CFAP44: variants seen among roughly 807,000 people sequenced by gnomAD.
CFAP44 encodes the protein cilia- and flagella-associated protein 44.
Under a neutral mutation model 216.2 loss-of-function variants are expected in CFAP44, and 134 were observed. The ratio of observed to expected loss-of-function variants is 0.62; its 90% CI spans 0.54 to 0.72. CFAP44 has a LOEUF of 0.72. Ranked by LOEUF, CFAP44 falls within the 30% of genes least tolerant of loss-of-function variation. CFAP44 has a pLI of 0.00. For synonymous variants in CFAP44, 700 were observed against 727.6 expected (o/e 0.96, Z 0.61); for missense variants, 2,035 against 2,182.1 (o/e 0.93, Z 1.34).
chr3:113,385,205 G>A (rs1165997456), intron 15 of CFAP44, among the ~76,000 whole-genome samples: 1 of 152,160 alleles, frequency 6.6e-6, no homozygotes, highest in East Asian at 1.9e-4. Flanking sequence ...GGAACTGTGA[G>A]TCCATTAAAC....
At chr3:113,409,027 AAAG>A in intron 7 of CFAP44, 76 bp downstream of exon 7, 25 of 852,458 alleles carry the variant, frequency 2.9e-5, no homozygotes, top group South Asian at 1.3e-4. Flanking sequence ...AAAAAAAAAA[AAAG>A]TCTCCAGCTC....
intron 7 of CFAP44, among the ~76,000 whole-genome samples, chr3:113,408,286 T>C (rs1053135075): frequency 2.6e-5 from 4 of 152,048 alleles, no homozygotes; most frequent in African/African-American, 7.2e-5. Flanking sequence ...ATCCCGGAAA[T>C]AGACGAGGGT....
chr3:113,350,356 CAG>C (rs60263174), intron 22 of CFAP44, among the ~76,000 whole-genome samples: 4,406 of 145,650 alleles, frequency 0.03, 99 homozygotes, highest in East Asian at 0.1. Flanking sequence ...AAGAGAGAGT[CAG>C]AGAGAGAGAG....
intron 33 of CFAP44, among the ~76,000 whole-genome samples, 189 bp downstream of exon 33, chr3:113,296,536 T>C (rs1278256793): frequency 5.0e-4 from 76 of 152,230 alleles, no homozygotes; most frequent in Non-Finnish European, 8.8e-5. Flanking sequence ...CACTCCAAGA[T>C]AAACAAGTCC....
chr3:113,321,106 A>G (rs1950142622), intron 28 of CFAP44, among the ~76,000 whole-genome samples: 2 of 152,204 alleles, frequency 1.3e-5, no homozygotes, highest in Admixed American at 1.3e-4. Flanking sequence ...TGATGAGCAT[A>G]GACGCAAAAA....
Position 113,289,463 on chromosome 3 carries a change from C to T in CFAP44, c.*2094G>A, listed in dbSNP as rs564821904. On this transcript the variant is annotated 3_prime_UTR_variant, in exon 35 of 35. Coordinates refer to ENST00000393845, the MANE Select transcript of CFAP44 (RefSeq NM_001164496.2). Reference sequence around the variant, plus strand: ...ATGGGAAGGAACCCATTCTACCAATCCTTCATTTGTCAGATAATAAAATGA... The same window carrying T: ...ATGGGAAGGAACCCATTCTACCAATTCTTCATTTGTCAGATAATAAAATGA... 1 of 152,202 alleles carries T rather than the reference C, an allele frequency of 6.6e-6. No individual in the cohort carries two copies. The highest frequency in any genetic ancestry group is 1.5e-5 in the Non-Finnish European group (1 of 68,042). The allele number at this position is 152,202 out of a possible 1,614,324, so 9.4% of individuals were successfully genotyped here. A position where few individuals can be genotyped will look rare whatever the true frequency, so the allele number is the denominator to read the frequency against.
At position 113,290,598 on chromosome 3, in the gene CFAP44, T is replaced by TGGTTATAGC. The variant is rs1420757404; in HGVS notation, c.*950_*958dup. On this transcript the variant is annotated 3_prime_UTR_variant, in exon 35 of 35. Coordinates refer to ENST00000393845, the MANE Select transcript of CFAP44 (RefSeq NM_001164496.2). ...AAATGTCAGTGAGATTATCCTGCAATGGTTATAGCCATGAACTTCAATGAG... is the reference window on the plus strand; with the variant it reads ...AAATGTCAGTGAGATTATCCTGCAATGGTTATAGCGGTTATAGCCATGAACTTCAATGAG... 1.1e-4 allele frequency: 16 copies of TGGTTATAGC among 152,234 alleles called. 1 individual carries two copies. Among genetic ancestry groups the TGGTTATAGC allele is most frequent in the Admixed American group, 5.9e-4 (9 of 15,290 alleles). 9.4% of individuals were successfully genotyped at this position (152,234 alleles called of 1,614,324 possible). A position where few individuals can be genotyped will look rare whatever the true frequency, so the allele number is the denominator to read the frequency against.
chr3:113,296,495 C>A (rs948375728), intron 33 of CFAP44, among the ~76,000 whole-genome samples: 1 of 152,022 alleles, frequency 6.6e-6, no homozygotes, highest in Non-Finnish European at 1.5e-5. Flanking sequence ...TTATATGCAC[C>A]CTGGACCCCA....
At chr3:113,380,834 T>C (rs541843684) in intron 16 of CFAP44, 65 bp downstream of exon 16, 2 of 1,323,550 alleles carry the variant, frequency 1.5e-6, no homozygotes, top group South Asian at 3.8e-5. Context: ...GCACTTAACA[T>C]AGGATATTTT....
chr3:113,409,387 TA>T (rs1559939670), intron 6 of CFAP44, 65 bp from the exon 7 acceptor site: 35 of 1,456,916 alleles, frequency 2.4e-5, no homozygotes, highest in Admixed American at 3.8e-5. Context: ...AAACATATTG[TA>T]AAAAAAAGAG....
chr3:113,372,726 A>T (rs1559927316), intron 18 of CFAP44, among the ~76,000 whole-genome samples: 2 of 152,220 alleles, frequency 1.3e-5, no homozygotes. Context: ...CTTAAAGTAT[A>T]ATAATAAAAA....
chr3:113,426,421 C>T, intron 3 of CFAP44, 144 bp from the exon 4 acceptor site: 1 of 804,308 alleles, frequency 1.2e-6, no homozygotes. Context: ...GGGCTGTTAC[C>T]TCCATGCTGT....
rs748002527 is a variant in CFAP44 at position 113,381,099 on chromosome 3, AT to A, written c.1891-40del. On this transcript the variant is annotated intron_variant, in intron 15 of 34. Transcript: ENST00000393845. ...ATTGAACATATTTACATTTAGGCAA[AT>A]TTTTAAAAGCATAGTTTAAAGAGAT... 6.1e-5 allele frequency: 88 copies of A among 1,453,564 alleles called. 1 individual carries two copies. In the South Asian group the frequency reaches 1.2e-3, roughly 20 times the overall value. The allele number at this position is 1,453,564 out of a possible 1,614,324, so 90.0% of individuals were successfully genotyped here.
chr3:113,340,335 C>G (rs1950320389), intron 24 of CFAP44, among the ~76,000 whole-genome samples: 1 of 152,204 alleles, frequency 6.6e-6, no homozygotes, highest in Admixed American at 6.5e-5. Context: ...AGATAAGAAC[C>G]ATTTCAAAGA....
chr3:113,399,410 A>G (rs1442547660), intron 13 of CFAP44, among the ~76,000 whole-genome samples: 4 of 152,172 alleles, frequency 2.6e-5, no homozygotes, highest in Non-Finnish European at 5.9e-5. Context: ...ATTTTTTTCT[A>G]TAGTTCTTAT....
In CFAP44 at chr3:113,401,695, C is replaced by T; in HGVS notation, c.1215G>A (p.Glu405=). The change falls in exon 10 of 35, where the codon GAG becomes GAA. Residue 405 remains glutamate (E), a synonymous_variant. Transcript: ENST00000393845. ...TAGGCTCAATCTCCAACAATCCAGT[C>T]TCATCTATTACATCAGCAGTGTCTA... is the stretch of plus-strand genomic sequence containing the variant. ...ETIDTADVID[E]TGLLEIEPIN... 1 of 1,613,544 alleles carries T rather than the reference C, an allele frequency of 6.2e-7. No individual in the cohort carries two copies. The highest frequency in any genetic ancestry group is 8.5e-7 in the Non-Finnish European group (1 of 1,179,704).
intron 15 of CFAP44, among the ~76,000 whole-genome samples, chr3:113,391,431 G>A (rs1215289016): frequency 2.0e-5 from 3 of 152,006 alleles, no homozygotes; most frequent in Non-Finnish European, 4.4e-5. Flanking sequence ...CATTAGACTG[G>A]GCAAAGATTT....
intron 30 of CFAP44, among the ~76,000 whole-genome samples, 166 bp downstream of exon 30, chr3:113,306,035 G>A (rs1949982292): frequency 2.0e-5 from 3 of 151,994 alleles, no homozygotes; most frequent in Admixed American, 2.0e-4. Context: ...GATCAAAAAA[G>A]CAATGTCCCC....
In CFAP44 at chr3:113,291,560, A is replaced by T. The variant is rs1234492402; in HGVS notation, c.5562T>A (p.Leu1854=). The change falls in exon 35 of 35, where the codon CTT becomes CTA. Residue 1854 remains leucine (L), a synonymous_variant. Transcript: ENST00000393845. Reference sequence around the variant, plus strand: ...TGGGTTTGAGAAAATAGCAAACTCAAAGGTCTGCGGGCTGTATCTCTTTCT... The same window carrying T: ...TGGGTTTGAGAAAATAGCAAACTCATAGGTCTGCGGGCTGTATCTCTTTCT... The part of the protein sequence containing the change: ...PREKEIQPAD[L] 6.5e-7 allele frequency: 1 copy of T among 1,536,104 alleles called. No individual in the cohort carries two copies. Among genetic ancestry groups the T allele is most frequent in the African/African-American group, 1.4e-5 (1 of 73,020 alleles).
Sources: gnomAD v4.1 joint callset for allele counts (sites outside exome capture counted in the v4.1 genomes callset) on GRCh38, gnomAD v4.1.1 for gene constraint, MANE v1.5 for transcripts, NCBI Gene and HGNC (gene_info 2026-07-23, HGNC 2026-07-21) for gene names.